The following PTPRR variants were observed in gnomAD, a reference collection of about 807,000 sequenced individuals.
PTPRR encodes the protein protein tyrosine phosphatase receptor type R, also known as receptor-type tyrosine-protein phosphatase R.
Under a neutral mutation model 77.2 loss-of-function variants are expected in PTPRR, and 38 were observed. That is an observed-to-expected ratio of 0.49 (90% CI 0.38 to 0.65). The LOEUF (loss-of-function observed/expected upper bound fraction) is 0.65, where lower values mean the gene tolerates loss of function less well. Ranked by LOEUF, PTPRR falls within the 30% of genes least tolerant of loss-of-function variation. PTPRR has a pLI of 0.00. For synonymous variants in PTPRR, 299 were observed against 283.1 expected, an observed-to-expected ratio of 1.06 and a Z score of -0.57; for missense variants, 744 against 799.2, an observed-to-expected ratio of 0.93 and a Z score of 0.83.
At chr12:70,818,631 T>G (rs1409789800) in intron 2 of PTPRR, among the ~76,000 whole-genome samples, 2 of 152,216 alleles carry the variant, frequency 1.3e-5, no homozygotes, top group African/African-American at 4.8e-5. Flanking sequence ...TAAGTCATGG[T>G]TGGCTCATAG....
intron 10 of PTPRR, among the ~76,000 whole-genome samples, chr12:70,669,006 TA>T (rs1887114345): frequency 6.6e-6 from 1 of 152,192 alleles, no homozygotes; most frequent in South Asian, 2.1e-4. Context: ...TACCTATCAA[TA>T]AGGAAATGAT....
intron 6 of PTPRR, among the ~76,000 whole-genome samples, chr12:70,705,551 G>C (rs1176395660): frequency 6.6e-6 from 1 of 152,028 alleles, no homozygotes; most frequent in East Asian, 1.9e-4. Context: ...TTTTCTTGTA[G>C]TCCCGGAAGA....
At chr12:70,841,896 C>T (rs1892403884) in intron 2 of PTPRR, among the ~76,000 whole-genome samples, 1 of 152,072 alleles carries the variant, frequency 6.6e-6, no homozygotes, top group Non-Finnish European at 1.5e-5. Flanking sequence ...TTACTAATAC[C>T]TTGTGGATAA....
chr12:70,698,165 C>T (rs1237041453), intron 8 of PTPRR, 100 bp downstream of exon 8: 5 of 950,994 alleles, frequency 5.3e-6, no homozygotes, highest in Non-Finnish European at 8.1e-6. Flanking sequence ...TTTGCTTTTG[C>T]TGCATCCATC....
intron 5 of PTPRR, among the ~76,000 whole-genome samples, chr12:70,752,687 C>A (rs1420576105): frequency 6.6e-6 from 1 of 152,248 alleles, no homozygotes; most frequent in African/African-American, 2.4e-5. Flanking sequence ...GAATATTTTC[C>A]ACTTTTATCA....
intron 2 of PTPRR, among the ~76,000 whole-genome samples, chr12:70,853,407 A>G (rs1183719922): frequency 6.6e-6 from 1 of 152,218 alleles, no homozygotes; most frequent in Non-Finnish European, 1.5e-5. Context: ...AGGTCGCACA[A>G]CTAATATGAA....
intron 1 of PTPRR, among the ~76,000 whole-genome samples, chr12:70,902,870 C>CTGT (rs1893562240): frequency 2.0e-5 from 3 of 151,594 alleles, no homozygotes; most frequent in Non-Finnish European, 3.0e-5. Context: ...CCCCCTGTAC[C>CTGT]CCCAATAACT....
At chr12:70,805,294 G>C (rs933520728) in intron 2 of PTPRR, among the ~76,000 whole-genome samples, 1 of 151,588 alleles carries the variant, frequency 6.6e-6, no homozygotes. Context: ...AATGATTTTT[G>C]AGGGAGTTTA....
At chr12:70,850,675 T>A (rs1046985149) in intron 2 of PTPRR, among the ~76,000 whole-genome samples, 1 of 152,164 alleles carries the variant, frequency 6.6e-6, no homozygotes, top group Non-Finnish European at 1.5e-5. Flanking sequence ...TCACCCTTCC[T>A]TGAAAACCCA....
chr12:70,872,654 C>T (rs914183512), intron 2 of PTPRR, among the ~76,000 whole-genome samples: 9 of 132,242 alleles, frequency 6.8e-5, no homozygotes, highest in Non-Finnish European at 1.4e-4. Flanking sequence ...AAGATCGCAC[C>T]ACTGCACTCC....
At chr12:70,863,871 C>T (rs1356124687) in intron 2 of PTPRR, among the ~76,000 whole-genome samples, 1 of 152,132 alleles carries the variant, frequency 6.6e-6, no homozygotes, top group Non-Finnish European at 1.5e-5. Flanking sequence ...CTCTTGGTTG[C>T]CTGTGATCTT....
chr12:70,877,485 C>A (rs954566787), intron 2 of PTPRR, among the ~76,000 whole-genome samples: 1 of 152,130 alleles, frequency 6.6e-6, no homozygotes, highest in East Asian at 1.9e-4. Flanking sequence ...TCAGGTATTA[C>A]AATTACCATT....
chr12:70,715,552 A>C (rs1265402074), intron 6 of PTPRR, among the ~76,000 whole-genome samples: 4 of 152,226 alleles, frequency 2.6e-5, no homozygotes, highest in African/African-American at 9.6e-5. Flanking sequence ...CCTACAGTCT[A>C]CAGACCATAA....
chr12:70,685,211 C>A (rs1374916800), intron 8 of PTPRR, among the ~76,000 whole-genome samples: 1 of 152,124 alleles, frequency 6.6e-6, no homozygotes, highest in Non-Finnish European at 1.5e-5. Flanking sequence ...CAGGTCTGAA[C>A]CTCACCTTGT....
chr12:70,917,917 C>T (rs973495344), intron 1 of PTPRR, among the ~76,000 whole-genome samples: 1 of 152,148 alleles, frequency 6.6e-6, no homozygotes, highest in Non-Finnish European at 1.5e-5. Context: ...TGGGCGTAAC[C>T]AAAATGGATC....
chr12:70,785,027 T>C (rs1002685967), intron 2 of PTPRR, among the ~76,000 whole-genome samples: 1 of 152,154 alleles, frequency 6.6e-6, no homozygotes, highest in South Asian at 2.1e-4. Flanking sequence ...AGAATATATA[T>C]ATTCGAGGTT....
chr12:70,876,057 T>C (rs1460852965), intron 2 of PTPRR, among the ~76,000 whole-genome samples: 1 of 152,136 alleles, frequency 6.6e-6, no homozygotes, highest in African/African-American at 2.4e-5. Context: ...TTTATGCACA[T>C]TGCTGGTGGG....
chr12:70,762,497 T>G (rs968686798), intron 3 of PTPRR, among the ~76,000 whole-genome samples: 83 of 152,346 alleles, frequency 5.4e-4, no homozygotes, highest in African/African-American at 1.9e-3. Context: ...AGTTTACTAC[T>G]AGCAAGCCAG....
chr12:70,639,525 A>G, intron 13 of PTPRR: 1 of 1,217,318 alleles, frequency 8.2e-7, no homozygotes, highest in Non-Finnish European at 1.0e-6. Flanking sequence ...TTACCTGTGT[A>G]ACATTACTGG....
Sources: allele counts gnomAD v4.1 joint callset (sites outside exome capture counted in the v4.1 genomes callset), GRCh38; gene constraint gnomAD v4.1.1; transcripts MANE v1.5; gene names NCBI Gene and HGNC (gene_info 2026-07-23, HGNC 2026-07-21).